DCST2: variants seen among roughly 807,000 people sequenced by gnomAD.
The protein encoded by DCST2 is DC-STAMP domain-containing protein 2.
DCST2 carries 64 observed loss-of-function variants against 81.8 expected under a neutral mutation model. The ratio of observed to expected loss-of-function variants is 0.78; its 90% CI spans 0.64 to 0.96. The LOEUF is 0.96. Among genes scored for constraint, DCST2 ranks in the 40% least tolerant of loss-of-function variants. The pLI is 0.00. For synonymous variants in DCST2, 354 were observed against 402.6 expected (o/e 0.88, Z 1.44); for missense variants, 945 against 1,001.4 (o/e 0.94, Z 0.76).
In DCST2 at chr1:155,031,674, G is replaced by A. The variant is rs562006776; in HGVS notation, c.639C>T (p.Phe213=). 5.6e-6 allele frequency: 9 copies of A among 1,614,032 alleles called. No individual in the cohort carries two copies. Among genetic ancestry groups the A allele is most frequent in the South Asian group, 3.3e-5 (3 of 91,090 alleles). The change falls in exon 4 of 15, where the codon TTC becomes TTT. Residue 213 remains phenylalanine (F), a synonymous_variant. Coordinates refer to ENST00000368424, the MANE Select transcript of DCST2 (RefSeq NM_144622.3). The stretch of plus-strand genomic sequence containing the variant: ...TCATGCAGCTGTCCTTGGCATCATC[G>A]AAAACCCGTGCACACTTCAGGTAAG... The part of the protein sequence containing the change: ...GNPYLKCARV[F]DDAKDSCMMV...
chr1:155,024,490 A>C lies in DCST2; in HGVS notation c.1724T>G (p.Phe575Cys), dbSNP rs1287844395. ...GCCTCACCGACTGGCCAGCACTAGG[A>C]AGGCACTTCTGTGGCCCTGGTCAGC... ...RAADQGHRSA[F>C]LVLASRCPCL... The change falls in exon 11 of 15, where the codon TTC becomes TGC. Residue 575 changes from phenylalanine to cysteine, a missense_variant. By Grantham distance (205) the Phe-to-Cys change is radical. Coordinates refer to ENST00000368424, the MANE Select transcript of DCST2 (RefSeq NM_144622.3). 1 of 1,606,526 alleles carries C rather than the reference A, an allele frequency of 6.2e-7. No individual in the cohort carries two copies. The highest frequency in any genetic ancestry group is 1.3e-5 in the African/African-American group (1 of 74,688).
chr1:155,027,322 G>C (rs1051899348), intron 8 of DCST2, among the ~76,000 whole-genome samples: 3 of 140,460 alleles, frequency 2.1e-5, no homozygotes, highest in South Asian at 5.0e-4. Context: ...GATTACAGGT[G>C]TGAGCCACCG....
chr1:155,028,163 T>C (rs59002055), intron 8 of DCST2, among the ~76,000 whole-genome samples: 1,772 of 151,890 alleles, frequency 0.012, 22 homozygotes, highest in African/African-American at 0.041. Context: ...TGACTTCAGG[T>C]GATCTACCCG....
Position 155,033,628 on chromosome 1 carries a change from C to A in DCST2, c.74G>T (p.Arg25Leu), listed in dbSNP as rs567368171. 7 of 1,614,190 alleles carry A rather than the reference C, an allele frequency of 4.3e-6. No individual in the cohort carries two copies. Among genetic ancestry groups the A allele is most frequent in the South Asian group, 1.1e-5 (1 of 91,086 alleles). The change falls in exon 1 of 15, where the codon CGC (arginine) becomes CTC (leucine). Residue 25 changes from arginine (R) to leucine (L), a missense_variant. By Grantham distance (102) the Arg-to-Leu change is moderately radical. Transcript: ENST00000368424. ...EEPSMARAVV[R>L]SVGGFTLGLS... The stretch of plus-strand genomic sequence containing the variant: ...GCCCAGGGTAAAACCTCCCACGCTG[C>A]GAACCACAGCTCTCGCCATGCTAGG...
At chr1:155,027,145 G>A (rs1659935302) in intron 8 of DCST2, among the ~76,000 whole-genome samples, 1 of 150,674 alleles carries the variant, frequency 6.6e-6, no homozygotes, top group Non-Finnish European at 1.5e-5. Context: ...TGATTCTCCT[G>A]CCTCAGCCTC....
At chr1:155,027,224 A>G (rs1262935461) in intron 8 of DCST2, among the ~76,000 whole-genome samples, 2 of 138,766 alleles carry the variant, frequency 1.4e-5, no homozygotes, top group African/African-American at 5.4e-5. Flanking sequence ...TTTTTTTGTA[A>G]AGAGATAGGG....
At chr1:155,019,395 C>G (rs1297199728) in intron 14 of DCST2, among the ~76,000 whole-genome samples, 1 of 152,206 alleles carries the variant, frequency 6.6e-6, no homozygotes, top group Non-Finnish European at 1.5e-5. Flanking sequence ...GCTAGAGGAC[C>G]CACCCAATTC....
chr1:155,022,375 C>T lies in DCST2; in HGVS notation c.2105+742G>A, dbSNP rs551784594. On this transcript the variant is annotated intron_variant, in intron 14 of 14. Transcript: ENST00000368424. Reference sequence around the variant, plus strand: ...TTCTCCAAACCCACACAGGCCTCCCCTTGGAATGCTTTCCTCTACTTCTCA... The same window carrying T: ...TTCTCCAAACCCACACAGGCCTCCCTTTGGAATGCTTTCCTCTACTTCTCA... Among the ~76,000 whole-genome samples, 7 of 152,228 alleles carry T rather than the reference C, an allele frequency of 4.6e-5. No homozygotes were observed. The East Asian group carries it at 1.4e-3, about 29-fold the overall frequency.
chr1:155,031,214 T>C lies in DCST2; in HGVS notation c.760A>G (p.Ile254Val). The C allele has an allele frequency of 1.9e-6, 3 of 1,589,326 alleles. No individual in the cohort carries two copies. Among genetic ancestry groups the C allele is most frequent in the Non-Finnish European group, 2.6e-6 (3 of 1,169,466 alleles). ...LASLVQVFCV[I>V]PKYIQPFLRQ... ...AAGAAGGGTTGAATGTACTTAGGGATGACGCAGAACACCTGGACCACTGAG... is the reference window on the plus strand; with the variant it reads ...AAGAAGGGTTGAATGTACTTAGGGACGACGCAGAACACCTGGACCACTGAG... Residue 254 changes from isoleucine (I) to valine (V), a missense_variant, in exon 5 of 15, where the codon ATC becomes GTC. Transcript: ENST00000368424.
At position 155,030,108 on chromosome 1, in the gene DCST2, C is replaced by G. The variant is rs749360215; in HGVS notation, c.1153G>C (p.Glu385Gln). The G allele has an allele frequency of 1.2e-6, 2 of 1,613,742 alleles. No individual in the cohort carries two copies. Among genetic ancestry groups the G allele is most frequent in the Non-Finnish European group, 1.7e-6 (2 of 1,179,996 alleles). ...CCCGGTGGGATGTAGCGCCTGGCCT[C>G]GTGAGCACTGAGCGGTAGCACTGTG... is the stretch of plus-strand genomic sequence containing the variant. The part of the protein sequence containing the change: ...LPTVLPLSAH[E>Q]ARRYIPPGSI... The change falls in exon 7 of 15, where the codon GAG (glutamate) becomes CAG (glutamine). Residue 385 changes from glutamate (E) to glutamine (Q), a missense_variant. By Grantham distance (29) the Glu-to-Gln change is conservative (BLOSUM62 2). Coordinates refer to ENST00000368424, the MANE Select transcript of DCST2 (RefSeq NM_144622.3).
intron 10 of DCST2, among the ~76,000 whole-genome samples, chr1:155,025,147 CAAAAAAA>C (rs201238594): frequency 1.8e-5 from 2 of 111,388 alleles, no homozygotes; most frequent in African/African-American, 7.1e-5. Context: ...AATTCTGTCT[CAAAAAAA>C]AAAAAAAAAA....
At chr1:155,023,593 C>T in intron 12 of DCST2, 136 bp from the exon 13 acceptor site, 1 of 1,546,294 alleles carries the variant, frequency 6.5e-7, no homozygotes, top group Non-Finnish European at 8.7e-7. Flanking sequence ...CACTAGGGAG[C>T]TGCTGCAATG....
At chr1:155,029,980 C>A in intron 7 of DCST2, 104 bp downstream of exon 7, 1 of 1,525,948 alleles carries the variant, frequency 6.6e-7, no homozygotes, top group Non-Finnish European at 8.8e-7. Flanking sequence ...TGCCCCAAGC[C>A]CATCCTGAGC....
chr1:155,023,491 G>A (rs201394130), intron 12 of DCST2, 34 bp from the exon 13 acceptor site: 29 of 1,558,818 alleles, frequency 1.9e-5, no homozygotes, highest in Middle Eastern at 3.3e-4. Flanking sequence ...AGGTGAACCC[G>A]AGTTCACCCA....
At chr1:155,024,407 TC>T in intron 11 of DCST2, 64 bp downstream of exon 11, 1 of 1,495,998 alleles carries the variant, frequency 6.7e-7, no homozygotes, top group East Asian at 2.4e-5. Flanking sequence ...AGAAATCCAT[TC>T]CAACTCCTGG....
At chr1:155,027,027 A>T (rs556669713) in intron 8 of DCST2, among the ~76,000 whole-genome samples, 71 of 148,888 alleles carry the variant, frequency 4.8e-4, no homozygotes, top group African/African-American at 1.4e-3. Context: ...AGAAGCATTT[A>T]TTTTTTTTTT....
intron 3 of DCST2, 54 bp downstream of exon 3, chr1:155,032,613 G>C: frequency 1.3e-6 from 2 of 1,509,010 alleles, no homozygotes; most frequent in Non-Finnish European, 1.8e-6. Flanking sequence ...CACCGCACCC[G>C]GCCAGGACTG....
At chr1:155,031,516 C>A in intron 4 of DCST2, 58 bp downstream of exon 4, 56 of 524,962 alleles carry the variant, frequency 1.1e-4, no homozygotes, top group Non-Finnish European at 1.7e-4. Context: ...CCCCCACATT[C>A]CCACCCCACC....
chr1:155,030,388 C>A (rs765445449), intron 6 of DCST2, 44 bp downstream of exon 6: 3 of 1,603,764 alleles, frequency 1.9e-6, no homozygotes, highest in Admixed American at 1.7e-5. Flanking sequence ...CCTGGCCCTG[C>A]ACCCCCGGCC....
Sources: allele counts gnomAD v4.1 joint callset (sites outside exome capture counted in the v4.1 genomes callset), GRCh38; gene constraint gnomAD v4.1.1; transcripts MANE v1.5; gene names NCBI Gene and HGNC (gene_info 2026-07-23, HGNC 2026-07-21).